The following EIF2AK3 variants were observed in gnomAD, a reference collection of about 807,000 sequenced individuals.
The protein encoded by EIF2AK3 is eukaryotic translation initiation factor 2 alpha kinase 3.
In EIF2AK3, 50 loss-of-function variants were observed where a neutral mutation model predicts 113.5. The observed-to-expected ratio is 0.44, with a 90% confidence interval of 0.35 to 0.56. EIF2AK3 has a LOEUF of 0.56. Ranked by LOEUF, EIF2AK3 falls within the 20% of genes least tolerant of loss-of-function variation. The probability of loss-of-function intolerance (pLI) is 0.00; values close to 1 mark genes in which losing one functional copy is unlikely to be tolerated. For synonymous variants in EIF2AK3, 448 were observed against 495.4 expected, an observed-to-expected ratio of 0.90 and a Z score of 1.27; for missense variants, 1,185 against 1,378.0, an observed-to-expected ratio of 0.86 and a Z score of 2.22.
chr2:88,593,278 T>C lies in EIF2AK3; in HGVS notation c.761A>G (p.Asn254Ser). 6.2e-7 allele frequency: 1 copy of C among 1,614,110 alleles called. No homozygotes were observed. The highest frequency in any genetic ancestry group is 8.5e-7 in the Non-Finnish European group (1 of 1,179,968). Residue 254 changes from asparagine to serine, a missense_variant, in exon 4 of 17, where the codon AAT becomes AGT. Around this residue, in one of 3 missense-constraint regions of EIF2AK3, gnomAD observed 119 missense variants for 178.7 expected, o/e 0.67. Transcript: ENST00000303236. ...TVRAVGPRSG[N>S]EKWNFSVGHF... ...ACATTATCTGAATACACACTTCTCATTGCCACTGCGAGGTCCGACAGCTCT... is the reference window on the plus strand; with the variant it reads ...ACATTATCTGAATACACACTTCTCACTGCCACTGCGAGGTCCGACAGCTCT...
At chr2:88,585,226 T>C (rs1454501711) in intron 9 of EIF2AK3, among the ~76,000 whole-genome samples, 17 of 151,926 alleles carry the variant, frequency 1.1e-4, no homozygotes, top group African/African-American at 3.9e-4. Flanking sequence ...ACTTGGTGAC[T>C]GATAAGGGAG....
intron 2 of EIF2AK3, among the ~76,000 whole-genome samples, chr2:88,606,504 G>A (rs2104459234): frequency 6.6e-6 from 1 of 152,124 alleles, no homozygotes; most frequent in African/African-American, 2.4e-5. Context: ...TTAAATATTG[G>A]CTTGCTACAT....
intron 1 of EIF2AK3, among the ~76,000 whole-genome samples, chr2:88,626,728 C>G (rs1410922130): frequency 6.6e-6 from 1 of 152,248 alleles, no homozygotes; most frequent in African/African-American, 2.4e-5. Context: ...CCCGCACCTG[C>G]GAGGATGCTG....
intron 14 of EIF2AK3, among the ~76,000 whole-genome samples, chr2:88,564,205 T>C (rs1343907037): frequency 6.6e-6 from 1 of 152,218 alleles, no homozygotes; most frequent in Non-Finnish European, 1.5e-5. Flanking sequence ...CCATGGGTCC[T>C]GCTCATTTAT....
chr2:88,566,035 T>C (rs1293485731), intron 14 of EIF2AK3, among the ~76,000 whole-genome samples: 2 of 152,200 alleles, frequency 1.3e-5, no homozygotes, highest in African/African-American at 2.4e-5. Context: ...TTTGTGATTT[T>C]CCCCCCTTAA....
At chr2:88,564,622 C>T (rs1033022723) in intron 14 of EIF2AK3, among the ~76,000 whole-genome samples, 14 of 152,228 alleles carry the variant, frequency 9.2e-5, no homozygotes, top group African/African-American at 3.4e-4. Context: ...TATGGGGTGG[C>T]CGGGACTACC....
At chr2:88,580,244 C>G (rs746617541) in intron 10 of EIF2AK3, among the ~76,000 whole-genome samples, 3 of 152,204 alleles carry the variant, frequency 2.0e-5, no homozygotes, top group African/African-American at 4.8e-5. Context: ...CAGCCTGTTT[C>G]TCCCTTTAGT....
chr2:88,576,581 A>G lies in EIF2AK3; in HGVS notation c.2009T>C (p.Met670Thr), dbSNP rs767634201. Reference protein sequence around the residue: ...EAPPEKWQEKMDEIWLKDEST... With the variant: ...EAPPEKWQEKTDEIWLKDEST... Reference sequence around the variant, plus strand: ...TTCATCTTTCAGCCAAATTTCATCCATCTTTTCTTGCCACTTCTCTGGTGG... The same window carrying G: ...TTCATCTTTCAGCCAAATTTCATCCGTCTTTTCTTGCCACTTCTCTGGTGG... The change falls in exon 12 of 17, where the codon ATG becomes ACG. Residue 670 changes from methionine to threonine, a missense_variant. Physicochemically the swap from Met to Thr is moderately conservative, Grantham distance 81. Coordinates refer to ENST00000303236, the MANE Select transcript of EIF2AK3 (RefSeq NM_004836.7). 6.2e-7 allele frequency: 1 copy of G among 1,614,088 alleles called. No homozygotes were observed. The highest frequency in any genetic ancestry group is 2.2e-5 in the East Asian group (1 of 44,866).
rs71378880 is a variant in EIF2AK3 at position 88,609,945 on chromosome 2, C to CAAAAAAA, written c.438+3772_438+3778dup. On this transcript the variant is annotated intron_variant, in intron 2 of 16. Coordinates refer to ENST00000303236, the MANE Select transcript of EIF2AK3 (RefSeq NM_004836.7). ...GCAAAATAAGAAAACTCCATCTCTA[C>CAAAAAAA]AAAAAAAAAAAAAAAAAAAAAAAAA... Among the ~76,000 whole-genome samples, 4 of 38,822 alleles carry CAAAAAAA rather than the reference C, an allele frequency of 1.0e-4. 1 individual carries two copies. Among genetic ancestry groups the CAAAAAAA allele is most frequent in the East Asian group, 8.9e-4 (1 of 1,126 alleles). 25.5% of individuals were successfully genotyped at this position (38,822 alleles called of 152,430 possible).
chr2:88,601,834 C>CTTTTTTTTT (rs59987968), intron 2 of EIF2AK3, among the ~76,000 whole-genome samples: 2 of 74,854 alleles, frequency 2.7e-5, no homozygotes, highest in African/African-American at 5.3e-5. Flanking sequence ...TAAGATTTTT[C>CTTTTTTTTT]TTTTTTTTTT....
chr2:88,581,391 C>T (rs1444233219), intron 10 of EIF2AK3, among the ~76,000 whole-genome samples: 3 of 152,014 alleles, frequency 2.0e-5, no homozygotes, highest in African/African-American at 4.8e-5. Context: ...CTCTACTTGC[C>T]GAACTCTCAC....
intron 13 of EIF2AK3, among the ~76,000 whole-genome samples, chr2:88,572,391 G>A (rs570042450): frequency 6.6e-6 from 1 of 152,162 alleles, no homozygotes; most frequent in Admixed American, 6.5e-5. Context: ...AAACCCCACG[G>A]TTAGTGTGGA....
intron 15 of EIF2AK3, among the ~76,000 whole-genome samples, chr2:88,561,660 G>A (rs1453822261): frequency 1.3e-5 from 2 of 152,086 alleles, no homozygotes; most frequent in African/African-American, 4.8e-5. Flanking sequence ...TTTGAGACCA[G>A]CCTAGACAAC....
intron 2 of EIF2AK3, 143 bp from the exon 3 acceptor site, chr2:88,595,806 C>A (rs915886507): frequency 1.2e-6 from 1 of 852,270 alleles, no homozygotes; most frequent in Admixed American, 2.0e-5. Flanking sequence ...TGTACTCCAG[C>A]CTCCTTCTGA....
At chr2:88,594,987 A>C (rs1674980199) in intron 3 of EIF2AK3, among the ~76,000 whole-genome samples, 1 of 151,942 alleles carries the variant, frequency 6.6e-6, no homozygotes, top group Non-Finnish European at 1.5e-5. Flanking sequence ...TAAGGCCAGA[A>C]GCTGGAGACC....
At chr2:88,615,895 C>G (rs1675555803) in intron 1 of EIF2AK3, among the ~76,000 whole-genome samples, 1 of 152,098 alleles carries the variant, frequency 6.6e-6, no homozygotes, top group Non-Finnish European at 1.5e-5. Context: ...TTGTCAGAGT[C>G]AAGAATGACC....
At position 88,590,880 on chromosome 2, in the gene EIF2AK3, C is replaced by G; in HGVS notation, c.940G>C (p.Val314Leu). The G allele has an allele frequency of 6.2e-7, 1 of 1,614,066 alleles. No individual in the cohort carries two copies. The highest frequency in any genetic ancestry group is 8.5e-7 in the Non-Finnish European group (1 of 1,179,984). ...AIMDIVIKVS[V>L]ADWKVMAFSK... ...AATGCCATAACTTTCCAGTCAGCAA[C>G]CGAAACCTTTATCACTATGTCCATT... Residue 314 changes from valine to leucine, a missense_variant, in exon 5 of 17, where the codon GTT becomes CTT. Physicochemically the swap from Val to Leu is conservative, Grantham distance 32. This residue lies in a region of EIF2AK3 where 877 missense variants were observed against 1,024.2 expected (regional missense o/e 0.86). Transcript: ENST00000303236.
At chr2:88,626,826 G>A (rs1675872955) in intron 1 of EIF2AK3, 141 bp downstream of exon 1, 2 of 1,180,120 alleles carry the variant, frequency 1.7e-6, no homozygotes, top group Admixed American at 2.5e-5. Context: ...GTGGCCCCGC[G>A]CTCGTCCCCA....
chr2:88,617,815 T>C (rs1011343725), intron 1 of EIF2AK3, among the ~76,000 whole-genome samples: 4 of 151,678 alleles, frequency 2.6e-5, no homozygotes, highest in African/African-American at 7.3e-5. Flanking sequence ...TGTAATATAC[T>C]ATGTAACAAA....
Sources: allele counts gnomAD v4.1 joint callset (sites outside exome capture counted in the v4.1 genomes callset), GRCh38; gene constraint gnomAD v4.1.1; regional missense constraint gnomAD v4.1.1; transcripts MANE v1.5; gene names NCBI Gene and HGNC (gene_info 2026-07-23, HGNC 2026-07-21).